Variants in EPB41L4A observed in about 807,000 individuals in gnomAD.
EPB41L4A encodes erythrocyte membrane protein band 4.1 like 4A, also known as band 4.1-like protein 4A.
In EPB41L4A, 100 loss-of-function variants were observed where a neutral mutation model predicts 108.6. The ratio of observed to expected loss-of-function variants is 0.92; its 90% CI spans 0.78 to 1.09. EPB41L4A has a LOEUF of 1.09. EPB41L4A is among the 50% of genes least tolerant of loss of function. The pLI, the probability that EPB41L4A is intolerant of heterozygous loss-of-function variation, is 0.00. For missense variants in EPB41L4A, 1,030 were observed against 842.7 expected (o/e 1.22, Z -2.75); for synonymous variants, 319 against 289.0 (o/e 1.10, Z -1.05).
intron 1 of EPB41L4A, among the ~76,000 whole-genome samples, chr5:112,413,526 C>G (rs910699100): frequency 3.3e-5 from 5 of 152,160 alleles, no homozygotes; most frequent in African/African-American, 1.2e-4. Flanking sequence ...AGCTCTGACT[C>G]CTGGGGATCA....
At chr5:112,169,777 T>C (rs991972419) in intron 20 of EPB41L4A, among the ~76,000 whole-genome samples, 1 of 152,164 alleles carries the variant, frequency 6.6e-6, no homozygotes, top group Non-Finnish European at 1.5e-5. Flanking sequence ...GAAAGCAGCA[T>C]AGCTACAGAA....
At chr5:112,398,044 T>G (rs1331506386) in intron 1 of EPB41L4A, among the ~76,000 whole-genome samples, 2 of 152,132 alleles carry the variant, frequency 1.3e-5, no homozygotes, top group African/African-American at 4.8e-5. Context: ...GCCACTAAGC[T>G]AAGAAATGCA....
chr5:112,376,919 C>T (rs941501901), intron 1 of EPB41L4A, among the ~76,000 whole-genome samples: 3 of 152,058 alleles, frequency 2.0e-5, no homozygotes, highest in African/African-American at 7.2e-5. Context: ...AAGTGCAACA[C>T]GTGGCTGGGT....
At chr5:112,260,020 A>G (rs1399251793) in intron 7 of EPB41L4A, 41 bp from the exon 8 acceptor site, 3 of 1,369,178 alleles carry the variant, frequency 2.2e-6, no homozygotes, top group Non-Finnish European at 3.1e-6. Flanking sequence ...ATATTCACAT[A>G]AAATCTCTTT....
At chr5:112,322,172 C>T (rs1755823804) in intron 1 of EPB41L4A, among the ~76,000 whole-genome samples, 1 of 152,200 alleles carries the variant, frequency 6.6e-6, no homozygotes, top group African/African-American at 2.4e-5. Flanking sequence ...GTTATAATAG[C>T]ACTGCATCTT....
At chr5:112,196,033 G>A (rs867639790) in intron 15 of EPB41L4A, among the ~76,000 whole-genome samples, 9 of 152,208 alleles carry the variant, frequency 5.9e-5, no homozygotes, top group South Asian at 2.1e-4. Context: ...CATCTCACTT[G>A]GATGCCCTTT....
chr5:112,333,131 TTCTC>T (rs34627140), intron 1 of EPB41L4A, among the ~76,000 whole-genome samples: 9,206 of 152,220 alleles, frequency 0.06, 306 homozygotes, highest in Non-Finnish European at 0.068. Context: ...ACTATTATCT[TTCTC>T]TATCGGTTTA....
chr5:112,147,715 C>T (rs1406154356), intron 12 of EPB41L4A, among the ~76,000 whole-genome samples: 1 of 151,336 alleles, frequency 6.6e-6, no homozygotes, highest in African/African-American at 2.4e-5. Flanking sequence ...AATTACACCC[C>T]CAAAATAAGA....
intron 20 of EPB41L4A, 33 bp from the exon 21 acceptor site, chr5:112,169,138 C>T: frequency 6.9e-7 from 1 of 1,457,736 alleles, no homozygotes; most frequent in Middle Eastern, 1.7e-4. Flanking sequence ...TGAAAACAAA[C>T]ACCCAAAGTC....
At chr5:112,284,452 A>G (rs919174413) in intron 2 of EPB41L4A, among the ~76,000 whole-genome samples, 4 of 152,090 alleles carry the variant, frequency 2.6e-5, no homozygotes, top group African/African-American at 9.7e-5. Flanking sequence ...ACGAGGAGAA[A>G]TAGCCCTATC....
intron 2 of EPB41L4A, among the ~76,000 whole-genome samples, chr5:112,290,434 A>G (rs1753571195): frequency 6.6e-6 from 1 of 152,144 alleles, no homozygotes; most frequent in Non-Finnish European, 1.5e-5. Flanking sequence ...ATAATAACCA[A>G]TGTGTTCAGA....
chr5:112,314,118 A>C (rs369202795), intron 1 of EPB41L4A, among the ~76,000 whole-genome samples: 6 of 151,954 alleles, frequency 3.9e-5, no homozygotes, highest in African/African-American at 1.4e-4. Flanking sequence ...TCAGCCTCCC[A>C]AAGTGCTGGG....
intron 16 of EPB41L4A, 117 bp from the exon 17 acceptor site, chr5:112,194,762 A>T: frequency 1.6e-6 from 1 of 609,624 alleles, no homozygotes; most frequent in Non-Finnish European, 2.8e-6. Context: ...TATCAATCCA[A>T]ACATCAAGAG....
At chr5:112,310,643 T>C (rs1318928803) in intron 1 of EPB41L4A, among the ~76,000 whole-genome samples, 3 of 152,216 alleles carry the variant, frequency 2.0e-5, no homozygotes, top group Admixed American at 6.5e-5. Flanking sequence ...AAAAGATGAG[T>C]ATATGATGTT....
chr5:112,214,703 T>C (rs1257266047), intron 12 of EPB41L4A, among the ~76,000 whole-genome samples: 1 of 152,070 alleles, frequency 6.6e-6, no homozygotes, highest in African/African-American at 2.4e-5. Context: ...GAGGCGGAGC[T>C]TGCAGTGAGT....
At position 112,205,631 on chromosome 5, in the gene EPB41L4A, C is replaced by A. The variant is rs1762435692; in HGVS notation, c.1179-127G>T. Reference sequence around the variant, plus strand: ...GTGCACACTTATTTGCTTGTTTATACCTGTGACTCTAAAAAGAACATGAAG... The same window carrying A: ...GTGCACACTTATTTGCTTGTTTATAACTGTGACTCTAAAAAGAACATGAAG... On this transcript the variant is annotated intron_variant, in intron 13 of 22. Coordinates refer to ENST00000261486, the MANE Select transcript of EPB41L4A (RefSeq NM_022140.5). 4.2e-6 allele frequency: 3 copies of A among 714,140 alleles called. No homozygotes were observed. In the South Asian group the frequency reaches 5.6e-5, roughly 13 times the overall value. The allele number at this position is 714,140 out of a possible 1,614,324, so 44.2% of individuals were successfully genotyped here. A position where few individuals can be genotyped will look rare whatever the true frequency, so the allele number is the denominator to read the frequency against.
At chr5:112,388,298 C>G (rs1256242329) in intron 1 of EPB41L4A, among the ~76,000 whole-genome samples, 1 of 152,118 alleles carries the variant, frequency 6.6e-6, no homozygotes, top group Non-Finnish European at 1.5e-5. Context: ...CTTAAATATA[C>G]AGAGCTTTAA....
chr5:112,199,811 T>A (rs1762134806), intron 15 of EPB41L4A, among the ~76,000 whole-genome samples: 1 of 152,150 alleles, frequency 6.6e-6, no homozygotes, highest in Non-Finnish European at 1.5e-5. Context: ...CAATTTTACC[T>A]CTCACTGGCT....
rs185621846 is a variant in EPB41L4A, at chr5:112,394,476, C to A, written c.99+24465G>T. ...CAAACAGAGAGCCAAATCATGAGTG[C>A]ACTCCCATTCACAATTGCTTCAAAG... On this transcript the variant is annotated intron_variant, in intron 1 of 22. Transcript: ENST00000261486. Among the ~76,000 whole-genome samples the A allele has an allele frequency of 3.5e-3, 538 of 152,178 alleles. 2 individuals are homozygous for A. The highest frequency in any genetic ancestry group is 0.024 in the Middle Eastern group (7 of 294).
Sources: allele counts gnomAD v4.1 joint callset (sites outside exome capture counted in the v4.1 genomes callset), GRCh38; gene constraint gnomAD v4.1.1; transcripts MANE v1.5; gene names NCBI Gene and HGNC (gene_info 2026-07-23, HGNC 2026-07-21).